The following ALPK1 variants were observed in gnomAD, a reference collection of about 807,000 sequenced individuals.
The protein encoded by ALPK1 is alpha kinase 1, also known as alpha-protein kinase 1.
A neutral mutation model predicts 120.6 loss-of-function variants in ALPK1; 110 were observed. That is an observed-to-expected ratio of 0.91 (90% CI 0.78 to 1.07). The LOEUF is 1.07. Ranked by LOEUF, ALPK1 falls within the 50% of genes least tolerant of loss-of-function variation. The pLI, the probability that ALPK1 is intolerant of heterozygous loss-of-function variation, is 0.00. For synonymous variants in ALPK1, 582 were observed against 560.3 expected, an observed-to-expected ratio of 1.04 and a Z score of -0.55; for missense variants, 1,498 against 1,483.9, an observed-to-expected ratio of 1.01 and a Z score of -0.16.
At position 112,423,928 on chromosome 4, in the gene ALPK1, G is replaced by T; in HGVS notation, c.476-16G>T. ...GTTCAAAGCTAATTGTGTGGCATTT[G>T]GTTGCTGCTTTTCAGGAAAACTTTT... On this transcript the variant is annotated splice_polypyrimidine_tract_variant and intron_variant, in intron 5 of 15. Transcript: ENST00000650871. 6.2e-7 allele frequency: 1 copy of T among 1,613,704 alleles called. No homozygotes were observed. Among genetic ancestry groups the T allele is most frequent in the African/African-American group, 1.3e-5 (1 of 75,026 alleles).
intron 1 of ALPK1, among the ~76,000 whole-genome samples, chr4:112,313,457 T>C (rs56387443): frequency 3.3e-5 from 5 of 152,216 alleles, no homozygotes; most frequent in Non-Finnish European, 7.3e-5. Context: ...GCATGGTGGC[T>C]CACGCCTGTA....
intron 7 of ALPK1, 99 bp downstream of exon 7, chr4:112,425,850 T>C: frequency 4.2e-6 from 4 of 960,314 alleles, no homozygotes; most frequent in Non-Finnish European, 6.4e-6. Context: ...GCTAAAATTG[T>C]TAATTTCCAC....
intron 2 of ALPK1, among the ~76,000 whole-genome samples, chr4:112,374,454 G>A (rs915973520): frequency 5.9e-5 from 9 of 152,060 alleles, no homozygotes; most frequent in Non-Finnish European, 1.0e-4. Context: ...GGTTACACTC[G>A]GTTTCTCCTC....
chr4:112,398,296 A>C (rs1732756511), intron 4 of ALPK1, among the ~76,000 whole-genome samples: 1 of 152,054 alleles, frequency 6.6e-6, no homozygotes, highest in South Asian at 2.1e-4. Flanking sequence ...AAATTTTTTT[A>C]ATTTTTTTAA....
intron 2 of ALPK1, among the ~76,000 whole-genome samples, chr4:112,330,240 T>C (rs544361487): frequency 1.3e-5 from 2 of 152,346 alleles, no homozygotes; most frequent in East Asian, 1.9e-4. Context: ...TAAGTTCCTC[T>C]GTAAATGCAG....
At chr4:112,410,236 G>A (rs927298755) in intron 4 of ALPK1, among the ~76,000 whole-genome samples, 7 of 151,884 alleles carry the variant, frequency 4.6e-5, no homozygotes, top group Admixed American at 1.3e-4. Context: ...AGCTCCATCC[G>A]GTTTCCTAAC....
In ALPK1 at chr4:112,304,536, C is replaced by T. The variant is rs181709298; in HGVS notation, c.-153+7067C>T. ...CATTTTTTCATGTGTCTGTTGGCTGCATAAATGTCTTCTTTTGAGAAGAGT... is the reference window on the plus strand; with the variant it reads ...CATTTTTTCATGTGTCTGTTGGCTGTATAAATGTCTTCTTTTGAGAAGAGT... On this transcript the variant is annotated intron_variant, in intron 1 of 15. Transcript: ENST00000650871. Among the ~76,000 whole-genome samples, 685 of 152,222 alleles carry T rather than the reference C, an allele frequency of 4.5e-3. 3 individuals carry two copies. Among genetic ancestry groups the T allele is most frequent in the Non-Finnish European group, 7.1e-3 (486 of 68,024 alleles).
chr4:112,351,938 A>G (rs979077877), intron 2 of ALPK1, among the ~76,000 whole-genome samples: 3 of 152,224 alleles, frequency 2.0e-5, no homozygotes, highest in Admixed American at 6.5e-5. Context: ...TCCTCCTCAC[A>G]GTCTTTGTTC....
Position 112,300,869 on chromosome 4 carries a change from C to T in ALPK1, c.-153+3400C>T, listed in dbSNP as rs1005167136. On this transcript the variant is annotated intron_variant, in intron 1 of 15. Coordinates refer to ENST00000650871, the MANE Select transcript of ALPK1 (RefSeq NM_025144.4). ...ATTTTGTCATGTCTTTGTATATACT[C>T]CTACTGCACCTCAAAATGCACTGTG... is the stretch of plus-strand genomic sequence containing the variant. Among the ~76,000 whole-genome samples the T allele has an allele frequency of 3.9e-5, 6 of 152,074 alleles. No homozygotes were observed. The East Asian group carries it at 1.2e-3, about 29-fold the overall frequency.
chr4:112,361,190 A>G (rs1243471241), intron 2 of ALPK1, among the ~76,000 whole-genome samples: 1 of 152,244 alleles, frequency 6.6e-6, no homozygotes, highest in African/African-American at 2.4e-5. Context: ...CATACCAGGA[A>G]AGCCGAGACA....
intron 5 of ALPK1, among the ~76,000 whole-genome samples, chr4:112,412,612 G>A (rs376897023): frequency 5.9e-5 from 9 of 151,814 alleles, no homozygotes. Flanking sequence ...GGGCTGGGGG[G>A]AGGGGGGCCT....
At chr4:112,397,676 T>C (rs577198691) in intron 4 of ALPK1, among the ~76,000 whole-genome samples, 1 of 152,344 alleles carries the variant, frequency 6.6e-6, no homozygotes, top group African/African-American at 2.4e-5. Context: ...TACCTTTGCC[T>C]AATATGCTTA....
intron 2 of ALPK1, chr4:112,356,288 T>C: frequency 9.2e-7 from 1 of 1,084,034 alleles, no homozygotes; most frequent in Admixed American, 1.7e-5. Context: ...GTGCCTCCTG[T>C]GCACCACCCT....
rs1340031882 is a variant in ALPK1 at position 112,439,842 on chromosome 4, A to G, written c.3508A>G (p.Asn1170Asp). The G allele has an allele frequency of 4.3e-6, 7 of 1,610,316 alleles. No homozygotes were observed. The South Asian group carries it at 7.8e-5, about 18-fold the overall frequency. Residue 1170 changes from asparagine (N) to aspartate (D), a missense_variant, in exon 14 of 16, where the codon AAT becomes GAT. Transcript: ENST00000650871. ...TGGCCATTTTTCTTATGAGTTTTCT[A>G]ATCATAGAGATGTTGTGGTCGATTT... ...AYGHFSYEFS[N>D]HRDVVVDLQG...
At chr4:112,438,748 A>C (rs1734898957) in intron 13 of ALPK1, 102 bp downstream of exon 13, 2 of 1,336,770 alleles carry the variant, frequency 1.5e-6, no homozygotes, top group Non-Finnish European at 2.1e-6. Context: ...CATTTTTAGC[A>C]AACTATCCTT....
At chr4:112,355,415 G>A (rs1210259106) in intron 2 of ALPK1, among the ~76,000 whole-genome samples, 1 of 152,222 alleles carries the variant, frequency 6.6e-6, no homozygotes, top group Non-Finnish European at 1.5e-5. Flanking sequence ...GAGCGGGAGA[G>A]GAAGAAGGAG....
chr4:112,362,165 T>C (rs553506094), intron 2 of ALPK1, among the ~76,000 whole-genome samples: 3 of 152,284 alleles, frequency 2.0e-5, no homozygotes, highest in Non-Finnish European at 4.4e-5. Context: ...TCTGGTAATA[T>C]GACAAAACAA....
At chr4:112,402,360 C>T (rs1386945906) in intron 4 of ALPK1, among the ~76,000 whole-genome samples, 2 of 152,228 alleles carry the variant, frequency 1.3e-5, no homozygotes, top group Non-Finnish European at 2.9e-5. Flanking sequence ...TGATGCTCAG[C>T]ATCGGGAGGG....
At chr4:112,365,003 G>A (rs1333943090) in intron 2 of ALPK1, among the ~76,000 whole-genome samples, 4 of 152,114 alleles carry the variant, frequency 2.6e-5, no homozygotes, top group East Asian at 3.9e-4. Context: ...ACAAAATCCA[G>A]TATTACTTTA....
Sources: allele counts gnomAD v4.1 joint callset (sites outside exome capture counted in the v4.1 genomes callset), GRCh38; gene constraint gnomAD v4.1.1; transcripts MANE v1.5; gene names NCBI Gene and HGNC (gene_info 2026-07-23, HGNC 2026-07-21).